Variants in PKHD1 observed in about 807,000 individuals in gnomAD.
The protein encoded by PKHD1 is fibrocystin.
A neutral mutation model predicts 412.0 loss-of-function variants in PKHD1; 291 were observed. The observed-to-expected ratio is 0.71, with a 90% CI of 0.64 to 0.78. PKHD1 has a LOEUF of 0.78. Among genes scored for constraint, PKHD1 ranks in the 30% least tolerant of loss-of-function variants. The pLI, the probability that PKHD1 is intolerant of heterozygous loss-of-function variation, is 0.00. For missense variants in PKHD1, 4,825 were observed against 4,950.7 expected (o/e 0.97, Z 0.76); for synonymous variants, 1,777 against 1,821.5 (o/e 0.98, Z 0.62).
chr6:51,736,419 T>C lies in PKHD1; in HGVS notation c.10156+7966A>G, dbSNP rs1375527647. Among the ~76,000 whole-genome samples, 3 of 152,232 alleles carry C rather than the reference T, an allele frequency of 2.0e-5. No homozygotes were observed. The East Asian group carries it at 5.8e-4, about 29-fold the overall frequency. ...AAATAAGGTGAAGGAAAGGTACTCTTTGGGTCTGAACGATGTACCACTAGA... is the reference window on the plus strand; with the variant it reads ...AAATAAGGTGAAGGAAAGGTACTCTCTGGGTCTGAACGATGTACCACTAGA... On this transcript the variant is annotated intron_variant, in intron 60 of 66. Transcript: ENST00000371117.
At chr6:52,073,865 A>G (rs1394605432) in intron 6 of PKHD1, among the ~76,000 whole-genome samples, 1 of 152,152 alleles carries the variant, frequency 6.6e-6, no homozygotes, top group Admixed American at 6.5e-5. Context: ...TCATCTCCAC[A>G]CACTGCCCTG....
At chr6:51,966,526 A>G (rs1792836289) in intron 35 of PKHD1, among the ~76,000 whole-genome samples, 1 of 152,240 alleles carries the variant, frequency 6.6e-6, no homozygotes, top group East Asian at 1.9e-4. Context: ...TTTCATACTC[A>G]CAACTAAAAA....
At chr6:51,706,155 C>T (rs565177581) in intron 60 of PKHD1, among the ~76,000 whole-genome samples, 9 of 152,166 alleles carry the variant, frequency 5.9e-5, no homozygotes, top group East Asian at 1.9e-4. Context: ...TTTCCTCTCT[C>T]GAAATTTTTT....
chr6:51,909,288 A>T lies in PKHD1; in HGVS notation c.6677T>A (p.Met2226Lys). 6.2e-7 allele frequency: 1 copy of T among 1,612,752 alleles called. No homozygotes were observed. The highest frequency in any genetic ancestry group is 8.5e-7 in the Non-Finnish European group (1 of 1,178,942). The change falls in exon 40 of 67, where the codon ATG (methionine) becomes AAG (lysine). Residue 2226 changes from methionine to lysine, a missense_variant. Physicochemically the swap from Met to Lys is moderately conservative, Grantham distance 95. Coordinates refer to ENST00000371117, the MANE Select transcript of PKHD1 (RefSeq NM_138694.4). ...HLSSLTLVGA[M>K]RESFIQGCTV... ...CTAGGTCCGGACCCCCTTACCTCTC[A>T]TAGCTCCCACCAGAGTGAGTGAGCT...
chr6:51,816,363 A>C (rs1765464496), intron 52 of PKHD1, among the ~76,000 whole-genome samples: 4 of 152,202 alleles, frequency 2.6e-5, no homozygotes, highest in Admixed American at 2.0e-4. Context: ...GTGCAATTGC[A>C]TGTAGATGTC....
chr6:51,994,701 A>C (rs1348242865), intron 35 of PKHD1, among the ~76,000 whole-genome samples: 1 of 150,174 alleles, frequency 6.7e-6, no homozygotes, highest in Non-Finnish European at 1.5e-5. Context: ...CCCACCTCAG[A>C]CTCCCGAGTA....
chr6:51,738,908 G>A (rs1335877024), intron 60 of PKHD1, among the ~76,000 whole-genome samples: 1 of 151,664 alleles, frequency 6.6e-6, no homozygotes, highest in African/African-American at 2.4e-5. Flanking sequence ...ATAGCAATTC[G>A]CCTGCACACA....
At chr6:51,626,682 C>T (rs1767280323) in intron 66 of PKHD1, among the ~76,000 whole-genome samples, 1 of 152,168 alleles carries the variant, frequency 6.6e-6, no homozygotes, top group Non-Finnish European at 1.5e-5. Context: ...GGCAGCTTTG[C>T]AATAGCTAAA....
chr6:51,737,475 T>A (rs1204933288), intron 60 of PKHD1, among the ~76,000 whole-genome samples: 2 of 152,220 alleles, frequency 1.3e-5, no homozygotes, highest in Admixed American at 6.5e-5. Flanking sequence ...CCTGAATCTT[T>A]TTAGCTAATG....
chr6:52,058,679 C>T, intron 15 of PKHD1, 78 bp from the exon 16 acceptor site: 1 of 1,394,252 alleles, frequency 7.2e-7, no homozygotes, highest in East Asian at 2.3e-5. Flanking sequence ...AGTGTCTGAA[C>T]TGCTACTATC....
chr6:51,705,606 C>G (rs1300978917), intron 60 of PKHD1, among the ~76,000 whole-genome samples: 1 of 152,058 alleles, frequency 6.6e-6, no homozygotes, highest in East Asian at 1.9e-4. Context: ...GATGACTGTT[C>G]CTCTCTGGAA....
At chr6:51,700,893 C>T (rs1779335476) in intron 60 of PKHD1, among the ~76,000 whole-genome samples, 1 of 152,066 alleles carries the variant, frequency 6.6e-6, no homozygotes, top group Non-Finnish European at 1.5e-5. Flanking sequence ...ATAATCAGTC[C>T]ACCCTAATTG....
At chr6:51,801,658 A>T (rs199723207) in intron 52 of PKHD1, among the ~76,000 whole-genome samples, 524 of 34,418 alleles carry the variant, frequency 0.015, 5 homozygotes, top group East Asian at 0.026. Flanking sequence ...TGTGTGTGAG[A>T]GAGAGAGAGA....
chr6:51,632,826 A>G (rs1312440438), intron 64 of PKHD1, 103 bp from the exon 65 acceptor site: 8 of 814,516 alleles, frequency 9.8e-6, no homozygotes, highest in African/African-American at 1.7e-5. Flanking sequence ...TCTGGGATAT[A>G]GTAGGTGTTC....
intron 63 of PKHD1, among the ~76,000 whole-genome samples, chr6:51,644,641 T>C (rs1769843426): frequency 6.6e-6 from 1 of 152,120 alleles, no homozygotes; most frequent in South Asian, 2.1e-4. Flanking sequence ...CCCACAGAAA[T>C]GCCCTACCTG....
chr6:51,961,347 C>A (rs1325885770), intron 35 of PKHD1, among the ~76,000 whole-genome samples: 1 of 152,078 alleles, frequency 6.6e-6, no homozygotes, highest in Non-Finnish European at 1.5e-5. Context: ...GAAGGCTTTG[C>A]AATTTATTCG....
At chr6:51,683,971 C>T (rs1381964741) in intron 60 of PKHD1, among the ~76,000 whole-genome samples, 1 of 152,036 alleles carries the variant, frequency 6.6e-6, no homozygotes, top group Non-Finnish European at 1.5e-5. Flanking sequence ...CAGCCTTATT[C>T]ACCTTTGCAT....
chr6:52,002,614 C>T (rs1314244295), intron 35 of PKHD1, among the ~76,000 whole-genome samples: 1 of 152,008 alleles, frequency 6.6e-6, no homozygotes, highest in Non-Finnish European at 1.5e-5. Context: ...TTCTGCAGCA[C>T]TTCTCTCTGC....
At chr6:51,897,091 A>G (rs1272441021) in intron 43 of PKHD1, among the ~76,000 whole-genome samples, 1 of 152,072 alleles carries the variant, frequency 6.6e-6, no homozygotes, top group Non-Finnish European at 1.5e-5. Context: ...AACACTCTGC[A>G]GGATATTATC....
Sources: allele counts gnomAD v4.1 joint callset (sites outside exome capture counted in the v4.1 genomes callset), GRCh38; gene constraint gnomAD v4.1.1; transcripts MANE v1.5; gene names NCBI Gene and HGNC (gene_info 2026-07-23, HGNC 2026-07-21).